Variants in UGT1A10 observed in about 807,000 individuals in gnomAD.
UGT1A10 encodes the protein UDP glucuronosyltransferase family 1 member A10.
Under a neutral mutation model 45.8 loss-of-function variants are expected in UGT1A10, and 49 were observed. The ratio of observed to expected loss-of-function variants is 1.07; its 90% confidence interval spans 0.85 to 1.36. The LOEUF is 1.36. Among genes scored for constraint, UGT1A10 ranks in the 40% most tolerant of loss-of-function variants. The pLI is 0.00. For synonymous variants in UGT1A10, 284 were observed against 249.7 expected, an observed-to-expected ratio of 1.14 and a Z score of -1.29; for missense variants, 745 against 668.6, an observed-to-expected ratio of 1.11 and a Z score of -1.26.
intron 1 of UGT1A10, chr2:233,671,727 TG>T: frequency 8.7e-7 from 1 of 1,148,648 alleles, no homozygotes; most frequent in Non-Finnish European, 1.2e-6. Flanking sequence ...TACTGTTGTC[TG>T]GAAAACATAC....
chr2:233,657,757 T>C (rs2073887423), intron 1 of UGT1A10, among the ~76,000 whole-genome samples: 1 of 152,238 alleles, frequency 6.6e-6, no homozygotes, highest in African/African-American at 2.4e-5. Context: ...TTAAATATGA[T>C]GTTGAGCATC....
At chr2:233,764,986 G>A (rs1698720585) in intron 1 of UGT1A10, among the ~76,000 whole-genome samples, 1 of 152,106 alleles carries the variant, frequency 6.6e-6, no homozygotes. Flanking sequence ...CAGTGTCTGG[G>A]GCTTTCCTGG....
intron 1 of UGT1A10, among the ~76,000 whole-genome samples, chr2:233,667,721 G>A (rs2074106979): frequency 6.6e-6 from 1 of 152,140 alleles, no homozygotes; most frequent in African/African-American, 2.4e-5. Flanking sequence ...AGTGGGTGAA[G>A]GATATGAACA....
At chr2:233,726,128 C>T (rs2077506214) in intron 1 of UGT1A10, among the ~76,000 whole-genome samples, 1 of 152,282 alleles carries the variant, frequency 6.6e-6, no homozygotes, top group African/African-American at 2.4e-5. Flanking sequence ...TTCACACCAC[C>T]TCACTCCAGC....
At chr2:233,750,521 T>C (rs528794181) in intron 1 of UGT1A10, 1 of 151,984 alleles carries the variant, frequency 6.6e-6, no homozygotes, top group East Asian at 1.9e-4. Context: ...GCCAAGACAA[T>C]GGGGAAAATG....
intron 1 of UGT1A10, among the ~76,000 whole-genome samples, chr2:233,655,195 CACAA>C (rs1348868100): frequency 6.6e-6 from 1 of 152,170 alleles, no homozygotes; most frequent in Non-Finnish European, 1.5e-5. Context: ...ATTACATGGT[CACAA>C]ACAGTGACTA....
intron 1 of UGT1A10, chr2:233,708,380 G>C (rs2076016043): frequency 6.6e-6 from 1 of 152,024 alleles, no homozygotes; most frequent in African/African-American, 2.4e-5. Flanking sequence ...AACGTCTTTT[G>C]TGTGTGTGTG....
intron 1 of UGT1A10, chr2:233,690,574 G>A (rs1173398260): frequency 1.6e-6 from 2 of 1,287,978 alleles, no homozygotes; most frequent in African/African-American, 3.1e-5. Context: ...CATTCAGCCT[G>A]CAGCAATCCC....
intron 1 of UGT1A10, chr2:233,747,180 G>C (rs1336341084): frequency 3.1e-6 from 5 of 1,601,796 alleles, no homozygotes; most frequent in Non-Finnish European, 4.3e-6. Flanking sequence ...CACAGCGTGG[G>C]GTGGACAGTC....
intron 1 of UGT1A10, chr2:233,671,955 C>T: frequency 6.2e-7 from 1 of 1,612,954 alleles, no homozygotes; most frequent in Non-Finnish European, 8.5e-7. Context: ...CAGGGTGGAC[C>T]AGCCCCCTTC....
chr2:233,654,382 C>T (rs543176793), intron 1 of UGT1A10, among the ~76,000 whole-genome samples: 24 of 152,190 alleles, frequency 1.6e-4, no homozygotes, highest in African/African-American at 5.8e-4. Flanking sequence ...GATTGTGATC[C>T]AAACCCTATA....
chr2:233,657,794 A>T (rs909173298), intron 1 of UGT1A10, among the ~76,000 whole-genome samples: 2 of 152,086 alleles, frequency 1.3e-5, no homozygotes, highest in African/African-American at 2.4e-5. Context: ...TGCCATCTGT[A>T]TATGTTCTTT....
At chr2:233,649,096 A>C in intron 1 of UGT1A10, 1 of 837,166 alleles carries the variant, frequency 1.2e-6, no homozygotes, top group Non-Finnish European at 1.6e-6. Context: ...TCCTTACGGA[A>C]CTGGGATTTG....
chr2:233,747,371 C>G (rs757857857), intron 1 of UGT1A10: 19 of 1,604,150 alleles, frequency 1.2e-5, no homozygotes, highest in Non-Finnish European at 1.5e-5. Flanking sequence ...AGCTCCATGC[C>G]AGAGGCCACC....
In UGT1A10 at chr2:233,744,645, G is replaced by A. The variant is rs1382975794; in HGVS notation, c.856-22389G>A. 2.0e-5 allele frequency among the ~76,000 whole-genome samples: 3 copies of A among 151,982 alleles called. No homozygotes were observed. In the East Asian group the frequency reaches 5.8e-4, roughly 29 times the overall value. Reference sequence around the variant, plus strand: ...GAGGTGGATTCTCATGTCAGCTTCTGTATTCAATCTACTGTGATATTACAC... The same window carrying A: ...GAGGTGGATTCTCATGTCAGCTTCTATATTCAATCTACTGTGATATTACAC... On this transcript the variant is annotated intron_variant, in intron 1 of 4. Coordinates refer to ENST00000344644, the MANE Select transcript of UGT1A10 (RefSeq NM_019075.4).
chr2:233,657,356 G>T (rs2073877665), intron 1 of UGT1A10, among the ~76,000 whole-genome samples: 1 of 152,154 alleles, frequency 6.6e-6, no homozygotes, highest in African/African-American at 2.4e-5. Flanking sequence ...AAGAATCATG[G>T]TACCAACATC....
chr2:233,700,401 A>G (rs1465367852), intron 1 of UGT1A10, among the ~76,000 whole-genome samples: 1 of 152,186 alleles, frequency 6.6e-6, no homozygotes, highest in Non-Finnish European at 1.5e-5. Flanking sequence ...ACATTTTGGC[A>G]GCAGTGTTTC....
chr2:233,731,284 CTT>C (rs78127606), intron 1 of UGT1A10, among the ~76,000 whole-genome samples: 38 of 139,732 alleles, frequency 2.7e-4, no homozygotes, highest in East Asian at 1.2e-3. Context: ...GTTTTTCTTT[CTT>C]TTTTTTTTTT....
chr2:233,766,944 A>T (rs1699286381), intron 1 of UGT1A10, 90 bp from the exon 2 acceptor site: 1 of 1,597,452 alleles, frequency 6.3e-7, no homozygotes, highest in Non-Finnish European at 8.5e-7. Context: ...TCATAGTCTT[A>T]AGAGGAAGAT....
Sources: gnomAD v4.1 joint callset for allele counts (sites outside exome capture counted in the v4.1 genomes callset) on GRCh38, gnomAD v4.1.1 for gene constraint, MANE v1.5 for transcripts, NCBI Gene and HGNC (gene_info 2026-07-23, HGNC 2026-07-21) for gene names.